BNC2: variants seen among roughly 807,000 people sequenced by gnomAD.
The protein encoded by BNC2 is basonuclin zinc finger protein 2.
BNC2 carries 20 observed loss-of-function variants against 76.3 expected under a neutral mutation model. The ratio of observed to expected loss-of-function variants is 0.26; its 90% confidence interval spans 0.18 to 0.38. The LOEUF is 0.38. Among genes scored for constraint, BNC2 ranks in the 10% least tolerant of loss-of-function variants. The pLI is 1.00. For synonymous variants in BNC2, 582 were observed against 514.8 expected, an observed-to-expected ratio of 1.13 and a Z score of -1.77; for missense variants, 1,382 against 1,399.8, an observed-to-expected ratio of 0.99 and a Z score of 0.20.
At chr9:16,724,707 T>C (rs1362583851) in intron 3 of BNC2, among the ~76,000 whole-genome samples, 1 of 152,134 alleles carries the variant, frequency 6.6e-6, no homozygotes, top group Non-Finnish European at 1.5e-5. Context: ...GATCCAACTT[T>C]GCTCATATGA....
chr9:16,651,508 C>G (rs1406623769), intron 3 of BNC2, among the ~76,000 whole-genome samples: 1 of 152,178 alleles, frequency 6.6e-6, no homozygotes, highest in East Asian at 1.9e-4. Context: ...CTCCACCAGT[C>G]ACTTGTCCTA....
intron 1 of BNC2, among the ~76,000 whole-genome samples, chr9:16,811,230 C>CAAAA (rs58068661): frequency 1.0e-5 from 1 of 97,544 alleles, no homozygotes; most frequent in Non-Finnish European, 2.2e-5. Flanking sequence ...CTCAAAAGAC[C>CAAAA]AAAAAAAAAA....
intron 6 of BNC2, among the ~76,000 whole-genome samples, chr9:16,432,687 T>C (rs375479392): frequency 5.3e-5 from 8 of 152,174 alleles, no homozygotes; most frequent in Non-Finnish European, 1.0e-4. Flanking sequence ...AAGGAAGACA[T>C]TGTGGAGTCA....
chr9:16,804,852 A>C (rs1201823204), intron 1 of BNC2, among the ~76,000 whole-genome samples: 1 of 152,122 alleles, frequency 6.6e-6, no homozygotes, highest in East Asian at 1.9e-4. Context: ...TCACAAGGTC[A>C]GGAGTTTGAG....
chr9:16,829,858 A>C (rs1008346315), intron 1 of BNC2, among the ~76,000 whole-genome samples: 1 of 152,218 alleles, frequency 6.6e-6, no homozygotes, highest in African/African-American at 2.4e-5. Flanking sequence ...TCCCCAGGGG[A>C]ACAGAAATGC....
In BNC2 at chr9:16,695,969, T is replaced by C. The variant is rs147691882; in HGVS notation, c.330+31828A>G. 1.2e-3 allele frequency among the ~76,000 whole-genome samples: 181 copies of C among 152,288 alleles called. No homozygotes were observed. In the Middle Eastern group the frequency reaches 0.017, roughly 14 times the overall value. On this transcript the variant is annotated intron_variant, in intron 3 of 6. Coordinates refer to ENST00000380672, the MANE Select transcript of BNC2 (RefSeq NM_017637.6). ...GCCCATTAACAAAGACTCAGAACCA[T>C]ACATCATTATTAAAAGGCTTCTCCT... is the stretch of plus-strand genomic sequence containing the variant.
rs190209472 is a variant in BNC2 at position 16,798,281 on chromosome 9, G to C, written c.4-59796C>G. On this transcript the variant is annotated intron_variant, in intron 1 of 6. Transcript: ENST00000380672. Reference sequence around the variant, plus strand: ...TGATGTCCCACCTTCCAAGTAGAATGGACAAATGCAATTTGGCTCTAGGCT... The same window carrying C: ...TGATGTCCCACCTTCCAAGTAGAATCGACAAATGCAATTTGGCTCTAGGCT... 2.8e-3 allele frequency among the ~76,000 whole-genome samples: 431 copies of C among 152,230 alleles called. 2 individuals are homozygous for C. The highest frequency in any genetic ancestry group is 1.0e-2 in the African/African-American group (414 of 41,536).
chr9:16,740,378 T>C (rs1478285737), intron 1 of BNC2, among the ~76,000 whole-genome samples: 1 of 152,212 alleles, frequency 6.6e-6, no homozygotes, highest in Admixed American at 6.5e-5. Context: ...ATGGTAACTC[T>C]AGTCTTCAGA....
At chr9:16,720,124 A>AC (rs1457410510) in intron 3 of BNC2, among the ~76,000 whole-genome samples, 3 of 152,000 alleles carry the variant, frequency 2.0e-5, no homozygotes, top group Admixed American at 1.3e-4. Flanking sequence ...TACTCAAAGA[A>AC]CCCTTCTACA....
intron 1 of BNC2, among the ~76,000 whole-genome samples, chr9:16,789,274 A>G (rs1241623104): frequency 6.6e-6 from 1 of 152,024 alleles, no homozygotes; most frequent in Admixed American, 6.5e-5. Context: ...AGTAATATAA[A>G]TGTTCTTCGT....
intron 5 of BNC2, among the ~76,000 whole-genome samples, chr9:16,470,790 T>C (rs1821806013): frequency 2.6e-5 from 4 of 152,212 alleles, no homozygotes; most frequent in Admixed American, 2.6e-4. Flanking sequence ...CTGGATGCCC[T>C]GGCAAAAGTT....
intron 5 of BNC2, among the ~76,000 whole-genome samples, chr9:16,509,838 T>C (rs1257207913): frequency 6.6e-6 from 1 of 152,206 alleles, no homozygotes; most frequent in Non-Finnish European, 1.5e-5. Context: ...TGTTTGTACA[T>C]TTCTAAGAAA....
At chr9:16,816,552 T>C (rs1254296641) in intron 1 of BNC2, among the ~76,000 whole-genome samples, 1 of 152,160 alleles carries the variant, frequency 6.6e-6, no homozygotes, top group Non-Finnish European at 1.5e-5. Context: ...TGACAGCAGA[T>C]TTTAAAAAGT....
At chr9:16,494,248 A>G (rs1175117230) in intron 5 of BNC2, among the ~76,000 whole-genome samples, 3 of 151,990 alleles carry the variant, frequency 2.0e-5, no homozygotes, top group African/African-American at 7.3e-5. Context: ...CACCTCCCAG[A>G]TTCAAGCGAT....
intron 1 of BNC2, among the ~76,000 whole-genome samples, chr9:16,831,528 A>G (rs887480610): frequency 3.3e-5 from 5 of 152,200 alleles, no homozygotes; most frequent in African/African-American, 1.2e-4. Context: ...AATTCAAAAT[A>G]ATGGTTTTTC....
At chr9:16,732,582 T>G (rs1284078831) in intron 2 of BNC2, among the ~76,000 whole-genome samples, 2 of 152,234 alleles carry the variant, frequency 1.3e-5, no homozygotes, top group Non-Finnish European at 2.9e-5. Flanking sequence ...CACAGAACAA[T>G]ACCTGTAATT....
At chr9:16,837,493 G>C (rs901873892) in intron 1 of BNC2, among the ~76,000 whole-genome samples, 2 of 152,056 alleles carry the variant, frequency 1.3e-5, no homozygotes, top group East Asian at 3.9e-4. Context: ...GACAGTGCGA[G>C]ACTCCATCCC....
At chr9:16,650,379 T>A (rs1821760271) in intron 3 of BNC2, among the ~76,000 whole-genome samples, 1 of 152,230 alleles carries the variant, frequency 6.6e-6, no homozygotes, top group African/African-American at 2.4e-5. Context: ...GATGTGTTCA[T>A]GCCTTAGTGG....
At position 16,664,729 on chromosome 9, in the gene BNC2, CA is replaced by C. The variant is rs574071621; in HGVS notation, c.330+63067del. On this transcript the variant is annotated intron_variant, in intron 3 of 6. Coordinates refer to ENST00000380672, the MANE Select transcript of BNC2 (RefSeq NM_017637.6). ...CAAAAAAAACAAAAAAAAACAAAAA[CA>C]AAAAAAAACAGGGGATCTACAAGAG... Among the ~76,000 whole-genome samples the C allele has an allele frequency of 3.4e-5, 5 of 148,976 alleles. No individual in the cohort carries two copies. The South Asian group carries it at 6.4e-4, about 19-fold the overall frequency.
Sources: allele counts gnomAD v4.1 joint callset (sites outside exome capture counted in the v4.1 genomes callset), GRCh38; gene constraint gnomAD v4.1.1; transcripts MANE v1.5; gene names NCBI Gene and HGNC (gene_info 2026-07-23, HGNC 2026-07-21).